Variants in CCAR2 observed in about 807,000 individuals in gnomAD.
CCAR2 encodes cell cycle and apoptosis regulator protein 2.
CCAR2 carries 21 observed loss-of-function variants against 108.1 expected under a neutral mutation model. That is an observed-to-expected ratio of 0.19 (90% confidence interval 0.14 to 0.28). The LOEUF (loss-of-function observed/expected upper bound fraction) is 0.28, where lower values mean the gene tolerates loss of function less well. Among genes scored for constraint, CCAR2 ranks in the 10% least tolerant of loss-of-function variants. The pLI, the probability that CCAR2 is intolerant of heterozygous loss-of-function variation, is 1.00. For synonymous variants in CCAR2, 577 were observed against 472.8 expected, an observed-to-expected ratio of 1.22 and a Z score of -2.86; for missense variants, 1,126 against 1,177.0, an observed-to-expected ratio of 0.96 and a Z score of 0.63.
chr8:22,605,557 A>G (rs1466321795), intron 1 of CCAR2, 179 bp from the exon 2 acceptor site: 1 of 585,352 alleles, frequency 1.7e-6, no homozygotes, highest in African/African-American at 1.9e-5. Flanking sequence ...AAACTGGAAC[A>G]ATGTAATTTC....
Position 22,619,631 on chromosome 8 carries a change from C to T in CCAR2, c.2728-7C>T. On this transcript the variant is annotated splice_region_variant and splice_polypyrimidine_tract_variant and intron_variant, in intron 20 of 20. Coordinates refer to ENST00000308511, the MANE Select transcript of CCAR2 (RefSeq NM_001393997.1). Reference sequence around the variant, plus strand: ...CCGATTCTGGGTACATCATCTGTTTCAAACAGGCTGACAGCTGGGTGGAGA... The same window carrying T: ...CCGATTCTGGGTACATCATCTGTTTTAAACAGGCTGACAGCTGGGTGGAGA... The T allele has an allele frequency of 6.4e-7, 1 of 1,568,928 alleles. No individual in the cohort carries two copies. Among genetic ancestry groups the T allele is most frequent in the Non-Finnish European group, 8.6e-7 (1 of 1,156,274 alleles).
At chr8:22,609,447 C>T (rs1338843630) in intron 7 of CCAR2, among the ~76,000 whole-genome samples, 1 of 152,286 alleles carries the variant, frequency 6.6e-6, no homozygotes, top group Admixed American at 6.5e-5. Flanking sequence ...CCACCACGCC[C>T]GGCCCATTGT....
rs1365664539 is a variant in CCAR2, at chr8:22,613,352, GTTCT to G, written c.704+219_704+222del. Among the ~76,000 whole-genome samples, 375 of 114,182 alleles carry G rather than the reference GTTCT, an allele frequency of 3.3e-3. 3 individuals are homozygous for G. Among genetic ancestry groups the G allele is most frequent in the African/African-American group, 0.012 (355 of 29,888 alleles). The allele number at this position is 114,182 out of a possible 152,430, so 74.9% of individuals were successfully genotyped here. On this transcript the variant is annotated intron_variant, in intron 8 of 20. Transcript: ENST00000308511. ...TTCGTATGAACATTTATTAGATCTA[GTTCT>G]TTTTTTTTTTTTTTTTTTTTAGCAA...
rs763226736 is a variant in CCAR2 at position 22,614,848 on chromosome 8, G to T, written c.1052G>T (p.Gly351Val). ...GATCTCTTCTTGCAGTTTTTGCTGG[G>T]CAGGAAAGAAGAGGAGGCAGTGCTG... ...HPLKQIKFLL[G>V]RKEEEAVLVG... Residue 351 changes from glycine (G) to valine (V), a missense_variant, in exon 11 of 21, where the codon GGC becomes GTC. Gly to Val is a moderately radical substitution (Grantham distance 109, BLOSUM62 -3). Coordinates refer to ENST00000308511, the MANE Select transcript of CCAR2 (RefSeq NM_001393997.1). 1 of 1,612,860 alleles carries T rather than the reference G, an allele frequency of 6.2e-7. No individual in the cohort carries two copies. The highest frequency in any genetic ancestry group is 8.5e-7 in the Non-Finnish European group (1 of 1,179,672).
At chr8:22,608,991 C>T (rs967407799) in intron 7 of CCAR2, among the ~76,000 whole-genome samples, 35 of 152,116 alleles carry the variant, frequency 2.3e-4, no homozygotes, top group African/African-American at 7.2e-4. Context: ...GATTGAAATG[C>T]ACAAATCTTG....
At chr8:22,608,628 T>C (rs761070577) in intron 7 of CCAR2, among the ~76,000 whole-genome samples, 4 of 152,180 alleles carry the variant, frequency 2.6e-5, no homozygotes, top group Non-Finnish European at 5.9e-5. Flanking sequence ...CTGGTGATGC[T>C]GTGTCATCTG....
At chr8:22,615,211 T>C in intron 11 of CCAR2, 1 of 866,100 alleles carries the variant, frequency 1.2e-6, no homozygotes. Context: ...GAGTTGTCCT[T>C]GCACCTTGTA....
chr8:22,617,854 A>T (rs1461779200), intron 16 of CCAR2, 76 bp downstream of exon 16: 5 of 1,461,684 alleles, frequency 3.4e-6, no homozygotes. Context: ...CTCCTGGGAG[A>T]AGGATGCTTA....
At chr8:22,618,215 CCAGCAGCTGGGACTTCA>C in intron 16 of CCAR2, 117 bp from the exon 17 acceptor site, 1 of 1,203,924 alleles carries the variant, frequency 8.3e-7, no homozygotes, top group Non-Finnish European at 1.2e-6. Context: ...CTTAGCCTCC[CCAGCAGCTGGGACTTCA>C]GGCATGCATC....
chr8:22,615,107 CT>C (rs1392478346), intron 11 of CCAR2, 106 bp downstream of exon 11: 1 of 1,371,452 alleles, frequency 7.3e-7, no homozygotes, highest in Non-Finnish European at 9.6e-7. Flanking sequence ...TCTCTGCCCC[CT>C]AGTCCCGTTC....
At position 22,608,130 on chromosome 8, in the gene CCAR2, T is replaced by G. The variant is rs532159210; in HGVS notation, c.584+65T>G. On this transcript the variant is annotated intron_variant, in intron 7 of 20. Coordinates refer to ENST00000308511, the MANE Select transcript of CCAR2 (RefSeq NM_001393997.1). ...ACTAACATTCTCTTTATTTTATTAT[T>G]ATTTTTTTGTGTTGGCCAGGAAGTG... The G allele has an allele frequency of 1.5e-3, 2,064 of 1,333,440 alleles. 3 individuals carry two copies. Among genetic ancestry groups the G allele is most frequent in the Non-Finnish European group, 2.0e-3 (1,899 of 949,106 alleles). 82.6% of individuals were successfully genotyped at this position (1,333,440 alleles called of 1,614,324 possible). A position where few individuals can be genotyped will look rare whatever the true frequency, so the allele number is the denominator to read the frequency against.
In CCAR2 at chr8:22,614,256, C is replaced by G; in HGVS notation, c.869C>G (p.Ala290Gly). 1 of 1,614,096 alleles carries G rather than the reference C, an allele frequency of 6.2e-7. No homozygotes were observed. The highest frequency in any genetic ancestry group is 8.5e-7 in the Non-Finnish European group (1 of 1,180,048). Residue 290 changes from alanine (A) to glycine (G), a missense_variant, in exon 9 of 21, where the codon GCT becomes GGT. Transcript: ENST00000308511. ...CAGGTCTCTTCTGAAAAGGAGGCAG[C>G]TCCAGACGCTGGTGCTGAGCCCATC... ...RIQVSSEKEA[A>G]PDAGAEPITA...
downstream of CCAR2, chr8:22,621,209 C>T (rs1801792287): frequency 4.8e-6 from 3 of 619,550 alleles, no homozygotes; most frequent in Admixed American, 3.0e-5. Context: ...GGTTTGTCTA[C>T]ACTGCTTACC....
chr8:22,617,505 G>T lies in CCAR2; in HGVS notation c.1931G>T (p.Cys644Phe). Reference protein sequence around the residue: ...KPRGEASEDLCEMALDPELLL... With the variant: ...KPRGEASEDLFEMALDPELLL... The stretch of plus-strand genomic sequence containing the variant: ...CGGGGCGAGGCTTCTGAGGACCTGT[G>T]TGAGATGGCCCTGGACCCAGAACTG... The change falls in exon 15 of 21, where the codon TGT becomes TTT. Residue 644 changes from cysteine (C) to phenylalanine (F), a missense_variant. Physicochemically the swap from Cys to Phe is radical, Grantham distance 205. This residue lies in a region of CCAR2 where 1,013 missense variants were observed against 993.9 expected (regional missense o/e 1.02). Transcript: ENST00000308511. The T allele has an allele frequency of 6.2e-7, 1 of 1,607,590 alleles. No individual in the cohort carries two copies. Among genetic ancestry groups the T allele is most frequent in the Non-Finnish European group, 8.5e-7 (1 of 1,176,764 alleles).
chr8:22,605,630 C>T, intron 1 of CCAR2, 106 bp from the exon 2 acceptor site: 3 of 666,730 alleles, frequency 4.5e-6, no homozygotes, highest in Middle Eastern at 2.5e-4. Flanking sequence ...TCTTATTACC[C>T]ACCTCCCTGT....
downstream of CCAR2, chr8:22,620,660 G>T (rs956709482): frequency 6.6e-6 from 1 of 152,200 alleles, no homozygotes; most frequent in African/African-American, 2.4e-5. Flanking sequence ...GAGGGCAGCA[G>T]GCCCAGGAAG....
chr8:22,617,063 T>C (rs559755923), intron 14 of CCAR2, among the ~76,000 whole-genome samples: 72 of 151,454 alleles, frequency 4.8e-4, no homozygotes, highest in Middle Eastern at 3.4e-3. Context: ...TTTGTAGAGA[T>C]GGGGTTTCAC....
chr8:22,618,650 A>C lies in CCAR2; in HGVS notation c.2254A>C (p.Asn752His), dbSNP rs1014365873. 1.2e-6 allele frequency: 2 copies of C among 1,614,094 alleles called. No individual in the cohort carries two copies. Among genetic ancestry groups the C allele is most frequent in the Non-Finnish European group, 1.7e-6 (2 of 1,180,030 alleles). Residue 752 changes from asparagine (N) to histidine (H), a missense_variant, in exon 18 of 21, where the codon AAC (asparagine) becomes CAC (histidine). By Grantham distance (68) the Asn-to-His change is moderately conservative (BLOSUM62 1). Transcript: ENST00000308511. ...GCTGGTCAGCAGGGTGGTGACCCAG[A>C]ACATCTGCCAGTACCGGAGCCTTCA... is the stretch of plus-strand genomic sequence containing the variant. ...KQLVSRVVTQ[N>H]ICQYRSLQYS... is the part of the protein sequence containing the mutation.
chr8:22,616,378 C>T (rs1000503478), intron 14 of CCAR2, 130 bp downstream of exon 14: 32 of 825,546 alleles, frequency 3.9e-5, no homozygotes, highest in South Asian at 8.0e-5. Flanking sequence ...GGACTGAGGC[C>T]GCACAGCTAG....
Sources: gnomAD v4.1 joint callset for allele counts (sites outside exome capture counted in the v4.1 genomes callset) on GRCh38, gnomAD v4.1.1 for gene constraint, gnomAD v4.1.1 regional missense constraint, MANE v1.5 for transcripts, NCBI Gene and HGNC (gene_info 2026-07-23, HGNC 2026-07-21) for gene names.